TMEM163: variants seen among roughly 807,000 people sequenced by gnomAD.
The protein encoded by TMEM163 is transmembrane protein 163.
Under a neutral mutation model 29.3 loss-of-function variants are expected in TMEM163, and 17 were observed. The observed-to-expected ratio is 0.58, with a 90% CI of 0.40 to 0.87. The LOEUF is 0.87. Ranked by LOEUF, TMEM163 falls within the 40% of genes least tolerant of loss-of-function variation. The pLI is 0.00. For missense variants in TMEM163, 303 were observed against 381.5 expected, an observed-to-expected ratio of 0.79 and a Z score of 1.71; for synonymous variants, 157 against 160.6, an observed-to-expected ratio of 0.98 and a Z score of 0.17.
rs139712304 is a variant in TMEM163 at position 134,529,261 on chromosome 2, G to A, written c.458+21309C>T. Among the ~76,000 whole-genome samples, 9 of 152,292 alleles carry A rather than the reference G, an allele frequency of 5.9e-5. No individual in the cohort carries two copies. The East Asian group carries it at 1.4e-3, about 23-fold the overall frequency. On this transcript the variant is annotated intron_variant, in intron 4 of 7. Transcript: ENST00000281924. ...CAGGAGGATCACTTGCGCCCATGAG[G>A]CAGAGGTTGCAGTGAGCTGAGATCA...
In TMEM163 at chr2:134,592,869, G is replaced by GATAT. The variant is rs147345127; in HGVS notation, c.323-40779_323-40778insATAT. On this transcript the variant is annotated intron_variant, in intron 2 of 7. Transcript: ENST00000281924. ...ATATAGAGATACAGATATTAATATA[G>GATAT]AGATAGATAGATAGATAGATAGACC... Among the ~76,000 whole-genome samples the GATAT allele has an allele frequency of 7.7e-4, 114 of 148,202 alleles. 1 individual carries two copies. The highest frequency in any genetic ancestry group is 2.8e-3 in the African/African-American group (110 of 39,852).
At chr2:134,590,569 G>A (rs988331668) in intron 2 of TMEM163, among the ~76,000 whole-genome samples, 9 of 152,214 alleles carry the variant, frequency 5.9e-5, no homozygotes, top group Admixed American at 4.6e-4. Context: ...AATTCAGGAT[G>A]AGTCCATATA....
intron 2 of TMEM163, among the ~76,000 whole-genome samples, chr2:134,701,095 C>T (rs72972256): frequency 0.04 from 6,066 of 151,426 alleles, 411 homozygotes; most frequent in African/African-American, 0.14. Context: ...GGAGCTCAGA[C>T]GATGTACAAA....
chr2:134,500,267 G>A (rs1679669228), intron 5 of TMEM163, among the ~76,000 whole-genome samples: 1 of 152,220 alleles, frequency 6.6e-6, no homozygotes, highest in Non-Finnish European at 1.5e-5. Flanking sequence ...GATTACTGCA[G>A]GCCAGAGGTC....
chr2:134,555,276 C>T (rs1261663377), intron 2 of TMEM163, among the ~76,000 whole-genome samples: 1 of 152,194 alleles, frequency 6.6e-6, no homozygotes, highest in Admixed American at 6.5e-5. Flanking sequence ...CACCCCCCAA[C>T]TTCCATGGGG....
intron 2 of TMEM163, among the ~76,000 whole-genome samples, chr2:134,613,944 C>T (rs1272155643): frequency 6.6e-6 from 1 of 151,824 alleles, no homozygotes; most frequent in Non-Finnish European, 1.5e-5. Flanking sequence ...AGTAAAAATC[C>T]CAGTAAGGTT....
chr2:134,707,667 CAA>C (rs1385800370), intron 2 of TMEM163, among the ~76,000 whole-genome samples: 1 of 151,908 alleles, frequency 6.6e-6, no homozygotes. Flanking sequence ...AGGAGGGGCA[CAA>C]AGGGAAGAAC....
chr2:134,510,290 T>C (rs1679918422), intron 4 of TMEM163, among the ~76,000 whole-genome samples: 1 of 152,154 alleles, frequency 6.6e-6, no homozygotes, highest in Non-Finnish European at 1.5e-5. Flanking sequence ...ATAGGATAGC[T>C]AGTACACAGA....
chr2:134,505,488 G>A (rs528613222), intron 4 of TMEM163, among the ~76,000 whole-genome samples: 11 of 152,084 alleles, frequency 7.2e-5, no homozygotes, highest in East Asian at 1.9e-4. Flanking sequence ...TCCAAGCTGG[G>A]GAGGAAGGAA....
intron 2 of TMEM163, among the ~76,000 whole-genome samples, chr2:134,683,905 C>T (rs1224810038): frequency 6.6e-6 from 1 of 152,188 alleles, no homozygotes; most frequent in East Asian, 1.9e-4. Flanking sequence ...TGACTATGGA[C>T]ATAATATGCC....
Position 134,463,034 on chromosome 2 carries a change from C to G in TMEM163, c.667+3080G>C, listed in dbSNP as rs146880488. 2.7e-3 allele frequency among the ~76,000 whole-genome samples: 404 copies of G among 152,362 alleles called. 4 individuals carry two copies. Among genetic ancestry groups the G allele is most frequent in the African/African-American group, 9.2e-3 (382 of 41,576 alleles). On this transcript the variant is annotated intron_variant, in intron 6 of 7. Transcript: ENST00000281924. ...CAGCCGAGGAGCTGCCTGCTATGGACTCACCACTGGGAGCCCACAAAGCTG... is the reference window on the plus strand; with the variant it reads ...CAGCCGAGGAGCTGCCTGCTATGGAGTCACCACTGGGAGCCCACAAAGCTG...
At chr2:134,557,877 G>A (rs1681083493) in intron 2 of TMEM163, among the ~76,000 whole-genome samples, 1 of 152,126 alleles carries the variant, frequency 6.6e-6, no homozygotes, top group Non-Finnish European at 1.5e-5. Context: ...AAAATGTGAG[G>A]CAGGTTTGCC....
At chr2:134,681,334 T>C (rs1684228661) in intron 2 of TMEM163, among the ~76,000 whole-genome samples, 1 of 152,136 alleles carries the variant, frequency 6.6e-6, no homozygotes, top group Non-Finnish European at 1.5e-5. Flanking sequence ...TGGCTATGCA[T>C]TACCTGCCTC....
At chr2:134,616,545 G>A (rs1452449683) in intron 2 of TMEM163, among the ~76,000 whole-genome samples, 2 of 152,194 alleles carry the variant, frequency 1.3e-5, no homozygotes, top group Non-Finnish European at 2.9e-5. Context: ...TAGACTAAGT[G>A]GCTGGTATCA....
chr2:134,713,385 CA>C lies in TMEM163; in HGVS notation c.203-67del, dbSNP rs1559001722. On this transcript the variant is annotated intron_variant, in intron 1 of 7. Coordinates refer to ENST00000281924, the MANE Select transcript of TMEM163 (RefSeq NM_030923.5). ...ACTAAGAAACCCACAGCGAGAGCTACAATTTCTTACCCAAAGATTGCAAACT... is the reference window on the plus strand; with the variant it reads ...ACTAAGAAACCCACAGCGAGAGCTACATTTCTTACCCAAAGATTGCAAACT... 4 of 1,600,148 alleles carry C rather than the reference CA, an allele frequency of 2.5e-6. No individual in the cohort carries two copies. The African/African-American group carries it at 5.4e-5, about 21-fold the overall frequency.
At chr2:134,700,909 CATAA>C (rs746341374) in intron 2 of TMEM163, among the ~76,000 whole-genome samples, 5,847 of 58,664 alleles carry the variant, frequency 0.1, 133 homozygotes, top group South Asian at 0.14. Flanking sequence ...CTCGAAAATA[CATAA>C]ATAAATAAAT....
intron 2 of TMEM163, among the ~76,000 whole-genome samples, chr2:134,596,030 A>G (rs928632250): frequency 6.6e-6 from 1 of 152,206 alleles, no homozygotes; most frequent in Non-Finnish European, 1.5e-5. Flanking sequence ...TCAGATAAGT[A>G]GATTGCAAAA....
At chr2:134,565,404 G>C (rs1681278471) in intron 2 of TMEM163, among the ~76,000 whole-genome samples, 1 of 152,002 alleles carries the variant, frequency 6.6e-6, no homozygotes, top group South Asian at 2.1e-4. Context: ...TCAGGAGTTC[G>C]AGACCAGCCT....
chr2:134,546,770 G>A (rs1558940798), intron 4 of TMEM163, among the ~76,000 whole-genome samples: 1 of 152,000 alleles, frequency 6.6e-6, no homozygotes, highest in Non-Finnish European at 1.5e-5. Context: ...CCAAGATCAT[G>A]CCACCGCACT....
Sources: allele counts gnomAD v4.1 joint callset (sites outside exome capture counted in the v4.1 genomes callset), GRCh38; gene constraint gnomAD v4.1.1; transcripts MANE v1.5; gene names NCBI Gene and HGNC (gene_info 2026-07-23, HGNC 2026-07-21).